Variants in LRIF1 observed in about 807,000 individuals in gnomAD.
The protein encoded by LRIF1 is ligand dependent nuclear receptor interacting factor 1.
Under a neutral mutation model 52.7 loss-of-function variants are expected in LRIF1, and 32 were observed. That is an observed-to-expected ratio of 0.61 (90% CI 0.46 to 0.82). The LOEUF (loss-of-function observed/expected upper bound fraction) is 0.82, where lower values mean the gene tolerates loss of function less well. Among genes scored for constraint, LRIF1 ranks in the 40% least tolerant of loss-of-function variants. LRIF1 has a pLI of 0.00. For missense variants in LRIF1, 887 were observed against 892.0 expected, an observed-to-expected ratio of 0.99 and a Z score of 0.07; for synonymous variants, 323 against 317.4, an observed-to-expected ratio of 1.02 and a Z score of -0.19.
the LRIF1 span, among the ~76,000 whole-genome samples, chr1:110,886,846 A>AATAT: frequency 9.0e-4 from 91 of 101,006 alleles, no homozygotes; most frequent in Admixed American, 1.5e-3. Context: ...CTCTGTCTCC[A>AATAT]ATATATATAT....
chr1:110,933,910 T>C, the LRIF1 span, among the ~76,000 whole-genome samples: 1 of 151,996 alleles, frequency 6.6e-6, no homozygotes, highest in Non-Finnish European at 1.5e-5. Context: ...GGTGCACAGA[T>C]CACAGCTCCA....
the LRIF1 span, among the ~76,000 whole-genome samples, chr1:110,884,633 C>A: frequency 6.6e-6 from 1 of 152,030 alleles, no homozygotes; most frequent in Admixed American, 6.5e-5. Flanking sequence ...TAAATTTTGA[C>A]TAGGTGCAAA....
the LRIF1 span, among the ~76,000 whole-genome samples, chr1:110,902,495 T>TAAAAAAAGAA: frequency 2.8e-5 from 2 of 72,664 alleles, no homozygotes; most frequent in African/African-American, 1.4e-4. Flanking sequence ...AATCAATCAC[T>TAAAAAAAGAA]AAAAAAAAAA....
the LRIF1 span, chr1:110,892,209 G>C: frequency 1.4e-6 from 1 of 727,140 alleles, no homozygotes; most frequent in South Asian, 1.6e-5. Context: ...GAAAAGTTTG[G>C]TAAAGAAATT....
At chr1:110,956,630 T>C (rs895285202) in intron 1 of LRIF1, among the ~76,000 whole-genome samples, 8 of 152,106 alleles carry the variant, frequency 5.3e-5, no homozygotes, top group African/African-American at 9.7e-5. Flanking sequence ...TAATAATAAG[T>C]ACTACAAAAG....
the LRIF1 span, among the ~76,000 whole-genome samples, chr1:110,928,311 C>T: frequency 6.6e-6 from 1 of 152,176 alleles, no homozygotes; most frequent in Non-Finnish European, 1.5e-5. Context: ...CTATGTAACA[C>T]AGTTTTGGCC....
At chr1:110,916,107 A>T in the LRIF1 span, among the ~76,000 whole-genome samples, 1 of 152,230 alleles carries the variant, frequency 6.6e-6, no homozygotes, top group African/African-American at 2.4e-5. Flanking sequence ...TTTACTCACT[A>T]AAAGAAATTC....
rs958499743 is a variant in LRIF1 at position 110,949,126 on chromosome 1, A to AT, written c.1869+724dup. ...GGTGGGCGGTGTTTATATATATATAATTTTTTTTTTGAGACAGAGTTTCGT... is the reference window on the plus strand; with the variant it reads ...GGTGGGCGGTGTTTATATATATATAATTTTTTTTTTTGAGACAGAGTTTCGT... On this transcript the variant is annotated intron_variant, in intron 3 of 3. Coordinates refer to ENST00000369763, the MANE Select transcript of LRIF1 (RefSeq NM_018372.4). 8.2e-3 allele frequency among the ~76,000 whole-genome samples: 1,226 copies of AT among 149,098 alleles called. 15 individuals carry two copies. The highest frequency in any genetic ancestry group is 0.029 in the African/African-American group (1,160 of 40,680).
chr1:110,963,879 TCGCGCAC>T lies in LRIF1; in HGVS notation c.-198_-192del. Reference sequence around the variant, plus strand: ...TGTATCCCCAGGCTTCGGGACGAGGTCGCGCACCGCGCAGAAACCGGAAGGCTCCTGG... The same window carrying T: ...TGTATCCCCAGGCTTCGGGACGAGGTCGCGCAGAAACCGGAAGGCTCCTGG... On this transcript the variant is annotated 5_prime_UTR_variant, in exon 1 of 4. Coordinates refer to ENST00000369763, the MANE Select transcript of LRIF1 (RefSeq NM_018372.4). 2.2e-6 allele frequency: 1 copy of T among 458,084 alleles called. No individual in the cohort carries two copies. Among genetic ancestry groups the T allele is most frequent in the Non-Finnish European group, 4.1e-6 (1 of 246,546 alleles). 28.4% of individuals were successfully genotyped at this position (458,084 alleles called of 1,614,324 possible). A position where few individuals can be genotyped will look rare whatever the true frequency, so the allele number is the denominator to read the frequency against.
chr1:110,946,365 A>G (rs1658204542), downstream of LRIF1, among the ~76,000 whole-genome samples: 2 of 152,298 alleles, frequency 1.3e-5, no homozygotes, highest in Non-Finnish European at 1.5e-5. Context: ...TAATGGGTAT[A>G]AGGTTTGTTT....
chr1:110,896,203 T>C, the LRIF1 span, among the ~76,000 whole-genome samples: 5 of 152,248 alleles, frequency 3.3e-5, no homozygotes, highest in African/African-American at 9.6e-5. Flanking sequence ...TATCAGGGAG[T>C]CTCTGTCTCC....
Position 110,962,061 on chromosome 1 carries a change from T to TACACACACAC in LRIF1, c.68+1550_68+1559dup, listed in dbSNP as rs59351644. Among the ~76,000 whole-genome samples the TACACACACAC allele has an allele frequency of 8.3e-3, 1,187 of 143,872 alleles. 18 individuals carry two copies. Among genetic ancestry groups the TACACACACAC allele is most frequent in the South Asian group, 0.056 (248 of 4,446 alleles). The allele number at this position is 143,872 out of a possible 152,430, so 94.4% of individuals were successfully genotyped here. Reference sequence around the variant, plus strand: ...AGAAACTGGATAACAGAGTTAAGGGTACACACACACACACACACACACACA... The same window carrying TACACACACAC: ...AGAAACTGGATAACAGAGTTAAGGGTACACACACACACACACACACACACACACACACACA... On this transcript the variant is annotated intron_variant, in intron 1 of 3. Transcript: ENST00000369763.
the LRIF1 span, chr1:110,939,392 A>AC: frequency 6.6e-6 from 1 of 151,078 alleles, no homozygotes; most frequent in Admixed American, 6.6e-5. Context: ...AAAAAAAAAA[A>AC]AAAAAAGTCC....
At chr1:110,933,976 T>C in the LRIF1 span, among the ~76,000 whole-genome samples, 3 of 152,110 alleles carry the variant, frequency 2.0e-5, no homozygotes, top group Non-Finnish European at 4.4e-5. Flanking sequence ...GGAGGGACTT[T>C]GTCTTGTATC....
intron 3 of LRIF1, 101 bp downstream of exon 3, chr1:110,949,750 C>A: frequency 1.6e-6 from 2 of 1,256,214 alleles, no homozygotes. Flanking sequence ...TAACAACCAT[C>A]ATTTATACTA....
At chr1:110,950,261 C>T (rs1313159614) in intron 2 of LRIF1, 138 bp from the exon 3 acceptor site, 19 of 1,000,018 alleles carry the variant, frequency 1.9e-5, no homozygotes, top group Admixed American at 3.1e-5. Context: ...CCTTGCCTTA[C>T]CACCCACACT....
chr1:110,948,980 G>A (rs975540360), intron 3 of LRIF1, among the ~76,000 whole-genome samples: 2 of 152,038 alleles, frequency 1.3e-5, no homozygotes, highest in African/African-American at 2.4e-5. Flanking sequence ...AGGATGACTA[G>A]TTAAAAAGCT....
At chr1:110,879,522 C>A in the LRIF1 span, among the ~76,000 whole-genome samples, 1 of 95,458 alleles carries the variant, frequency 1.0e-5, no homozygotes, top group Non-Finnish European at 2.6e-5. Flanking sequence ...CTTAGAGACT[C>A]ACAGTGCACA....
At chr1:110,901,402 T>C in the LRIF1 span, among the ~76,000 whole-genome samples, 1 of 151,454 alleles carries the variant, frequency 6.6e-6, no homozygotes, top group East Asian at 1.9e-4. Context: ...GGTCCCGAAC[T>C]CCTGACCTTG....
Sources: gnomAD v4.1 joint callset for allele counts (sites outside exome capture counted in the v4.1 genomes callset) on GRCh38, gnomAD v4.1.1 for gene constraint, MANE v1.5 for transcripts, NCBI Gene and HGNC (gene_info 2026-07-23, HGNC 2026-07-21) for gene names.